Variants in BORCS6 observed in about 807,000 individuals in gnomAD.
The protein encoded by BORCS6 is BLOC-1 related complex subunit 6.
A neutral mutation model predicts 17.0 loss-of-function variants in BORCS6; 12 were observed. The ratio of observed to expected loss-of-function variants is 0.71; its 90% confidence interval spans 0.45 to 1.15. The LOEUF (loss-of-function observed/expected upper bound fraction) is 1.15, where lower values mean the gene tolerates loss of function less well. Ranked by LOEUF, BORCS6 falls within the 50% of genes most tolerant of loss-of-function variation. The pLI is 0.00. For synonymous variants in BORCS6, 262 were observed against 241.7 expected (o/e 1.08, Z -0.78); for missense variants, 513 against 515.0 (o/e 1.00, Z 0.04).
Position 8,189,644 on chromosome 17 carries a change from C to T in BORCS6, c.497G>A (p.Ser166Asn). Reference protein sequence around the residue: ...GRSFSSRLQDSRSLDGLSEAC... With the variant: ...GRSFSSRLQDNRSLDGLSEAC... ...CTCGCTCAGCCCGTCCAGGCTGCGG[C>T]TGTCCTGAAGACGGCTGGAGAACGA... Residue 166 changes from serine to asparagine, a missense_variant, in exon 1 of 1, where the codon AGC becomes AAC. Coordinates refer to ENST00000389017, the MANE Select transcript of BORCS6 (RefSeq NM_017622.3). The surrounding 1 kb of genome is among the most constrained non-coding windows in gnomAD (Gnocchi z 7.8). The T allele has an allele frequency of 6.3e-7, 1 of 1,599,056 alleles. No individual in the cohort carries two copies. Among genetic ancestry groups the T allele is most frequent in the Non-Finnish European group, 8.5e-7 (1 of 1,179,266 alleles).
Position 8,190,180 on chromosome 17 carries a change from C to G in BORCS6, c.-40G>C, listed in dbSNP as rs756897380. The G allele has an allele frequency of 7.2e-6, 11 of 1,524,592 alleles. No individual in the cohort carries two copies. In the South Asian group the frequency reaches 1.2e-4, roughly 17 times the overall value. 94.4% of individuals were successfully genotyped at this position (1,524,592 alleles called of 1,614,324 possible). A position where few individuals can be genotyped will look rare whatever the true frequency, so the allele number is the denominator to read the frequency against. Reference sequence around the variant, plus strand: ...CCGCAACGGAGGAATTGGTTCGCCCCGGCTCCGGAGGCAGTGGCTGCGCCT... The same window carrying G: ...CCGCAACGGAGGAATTGGTTCGCCCGGGCTCCGGAGGCAGTGGCTGCGCCT... On this transcript the variant is annotated 5_prime_UTR_variant, in exon 1 of 1. Coordinates refer to ENST00000389017, the MANE Select transcript of BORCS6 (RefSeq NM_017622.3).
rs539982320 is a variant in BORCS6 at position 8,188,690 on chromosome 17, G to A, written c.*377C>T. 2 of 286,984 alleles carry A rather than the reference G, an allele frequency of 7.0e-6. No individual in the cohort carries two copies. Among genetic ancestry groups the A allele is most frequent in the Non-Finnish European group, 6.7e-6 (1 of 148,790 alleles). 17.8% of individuals were successfully genotyped at this position (286,984 alleles called of 1,614,324 possible). ...TGGAGTCAGGATAGCCACAGTGGGG[G>A]CTGGGGCTTCCTCTGTCCCTTTCTC... On this transcript the variant is annotated 3_prime_UTR_variant, in exon 1 of 1. Transcript: ENST00000389017.
In BORCS6 at chr17:8,189,839, T is replaced by A. The variant is rs1399844477; in HGVS notation, c.302A>T (p.Glu101Val). Residue 101 changes from glutamate (E) to valine (V), a missense_variant, in exon 1 of 1, where the codon GAG (glutamate) becomes GTG (valine). Transcript: ENST00000389017. This position sits in a 1 kb window ranked among gnomAD's most constrained non-coding sequence, Gnocchi z 7.8. ...AGSRRGAPGAEHEPSLSSRHK... is the reference protein window; with the variant it reads ...AGSRRGAPGAVHEPSLSSRHK... ...CCGGGAGGACAGGGAAGGTTCGTGC[T>A]CTGCACCCGGCGCCCCCCTGCGGCT... The A allele has an allele frequency of 5.8e-6, 9 of 1,561,192 alleles. No homozygotes were observed. In the Admixed American group the frequency reaches 7.6e-5, roughly 13 times the overall value.
rs767230907 is a variant in BORCS6 at position 8,189,756 on chromosome 17, C to A, written c.385G>T (p.Gly129Trp). ...KPSSGRDCRR[G>W]GPGGGMDVEQ... ...ACATCCATCCCGCCGCCTGGTCCCCCTCGACGGCAGTCCCTCCCGGAGGAG... is the reference window on the plus strand; with the variant it reads ...ACATCCATCCCGCCGCCTGGTCCCCATCGACGGCAGTCCCTCCCGGAGGAG... Residue 129 changes from glycine to tryptophan, a missense_variant, in exon 1 of 1, where the codon GGG (glycine) becomes TGG (tryptophan). Coordinates refer to ENST00000389017, the MANE Select transcript of BORCS6 (RefSeq NM_017622.3). The surrounding 1 kb of genome is among the most constrained non-coding windows in gnomAD (Gnocchi z 7.8). 6.2e-7 allele frequency: 1 copy of A among 1,600,028 alleles called. No individual in the cohort carries two copies. Among genetic ancestry groups the A allele is most frequent in the Non-Finnish European group, 8.5e-7 (1 of 1,179,544 alleles).
At position 8,189,315 on chromosome 17, in the gene BORCS6, C is replaced by T. The variant is rs1470909913; in HGVS notation, c.826G>A (p.Asp276Asn). Residue 276 changes from aspartate (D) to asparagine (N), a missense_variant, in exon 1 of 1, where the codon GAC (aspartate) becomes AAC (asparagine). Physicochemically the swap from Asp to Asn is conservative, Grantham distance 23 (BLOSUM62 1). Transcript: ENST00000389017. This position sits in a 1 kb window ranked among gnomAD's most constrained non-coding sequence, Gnocchi z 7.8. ...CCACCCAGACCGCGAAGCAGACGGT[C>T]CACCCGGCCTCCCAGCTCCCGACTC... ...RLSRELGGRVDRLLRGLGGAV... is the reference protein window; with the variant it reads ...RLSRELGGRVNRLLRGLGGAV... The T allele has an allele frequency of 3.1e-6, 5 of 1,613,442 alleles. No individual in the cohort carries two copies. The highest frequency in any genetic ancestry group is 4.2e-6 in the Non-Finnish European group (5 of 1,179,852).
chr17:8,189,913 C>T lies in BORCS6; in HGVS notation c.228G>A (p.Glu76=). 2 of 1,548,588 alleles carry T rather than the reference C, an allele frequency of 1.3e-6. No individual in the cohort carries two copies. The highest frequency in any genetic ancestry group is 1.2e-5 in the South Asian group (1 of 84,066). The stretch of plus-strand genomic sequence containing the variant: ...GAGGGCCGGGCTCGTTCTCCAGAGC[C>T]TCCCGTTCCGGCCGGTGGACGACGC... ...SCGVVHRPER[E]ALENEPGPQG... is the part of the protein sequence containing the mutation. The change falls in exon 1 of 1, where the codon GAG becomes GAA. Residue 76 remains glutamate (E), a synonymous_variant. Coordinates refer to ENST00000389017, the MANE Select transcript of BORCS6 (RefSeq NM_017622.3). The surrounding 1 kb of genome is among the most constrained non-coding windows in gnomAD (Gnocchi z 7.8).
chr17:8,190,029 C>A lies in BORCS6; in HGVS notation c.112G>T (p.Ala38Ser). 6.5e-7 allele frequency: 1 copy of A among 1,550,094 alleles called. No homozygotes were observed. Among genetic ancestry groups the A allele is most frequent in the African/African-American group, 1.4e-5 (1 of 73,168 alleles). ...GPGRTSSEPP[A>S]GLRVSGEEET... is the part of the protein sequence containing the mutation. ...TCCTCCCCGGACACCCGGAGGCCTG[C>A]GGGCGGCTCAGAGGACGTTCGGCCC... The change falls in exon 1 of 1, where the codon GCA (alanine) becomes TCA (serine). Residue 38 changes from alanine to serine, a missense_variant. Physicochemically the swap from Ala to Ser is moderately conservative, Grantham distance 99 (BLOSUM62 1). Transcript: ENST00000389017.
At position 8,190,006 on chromosome 17, in the gene BORCS6, C is replaced by T; in HGVS notation, c.135G>A (p.Glu45=). 6.5e-7 allele frequency: 1 copy of T among 1,550,086 alleles called. No individual in the cohort carries two copies. The highest frequency in any genetic ancestry group is 8.7e-7 in the Non-Finnish European group (1 of 1,146,842). The change falls in exon 1 of 1, where the codon GAG becomes GAA. Residue 45 remains glutamate, a synonymous_variant. Transcript: ENST00000389017. ...EPPAGLRVSG[E]EETENVGGAN... The stretch of plus-strand genomic sequence containing the variant: ...CGCCCCCAACGTTCTCGGTCTCTTC[C>T]TCCCCGGACACCCGGAGGCCTGCGG...
At position 8,189,859 on chromosome 17, in the gene BORCS6, G is replaced by T; in HGVS notation, c.282C>A (p.Arg94=). The change falls in exon 1 of 1, where the codon CGC becomes CGA. Residue 94 remains arginine, a synonymous_variant. Transcript: ENST00000389017. The surrounding 1 kb of genome is among the most constrained non-coding windows in gnomAD (Gnocchi z 7.8). The part of the protein sequence containing the change: ...PQGTLSGAGS[R]RGAPGAEHEP... ...CGTGCTCTGCACCCGGCGCCCCCCT[G>T]CGGCTCCCGGCCCCAGACAGCGTCC... The T allele has an allele frequency of 6.5e-7, 1 of 1,548,372 alleles. No individual in the cohort carries two copies. Among genetic ancestry groups the T allele is most frequent in the Non-Finnish European group, 8.7e-7 (1 of 1,147,750 alleles).
chr17:8,189,123 G>A lies in BORCS6; in HGVS notation c.1018C>T (p.Arg340Cys). ...RALQPVQGLARQVRDIRRTLE... is the reference protein window; with the variant it reads ...RALQPVQGLACQVRDIRRTLE... ...GTACGTCGGATATCCCGGACTTGGC[G>A]CGCCAGCCCCTGAACCGGCTGCAGA... Residue 340 changes from arginine (R) to cysteine (C), a missense_variant, in exon 1 of 1, where the codon CGC (arginine) becomes TGC (cysteine). Physicochemically the swap from Arg to Cys is radical, Grantham distance 180. Coordinates refer to ENST00000389017, the MANE Select transcript of BORCS6 (RefSeq NM_017622.3). The surrounding 1 kb of genome is among the most constrained non-coding windows in gnomAD (Gnocchi z 7.8). 6.2e-7 allele frequency: 1 copy of A among 1,614,084 alleles called. No homozygotes were observed. The highest frequency in any genetic ancestry group is 8.5e-7 in the Non-Finnish European group (1 of 1,180,030).
At position 8,189,065 on chromosome 17, in the gene BORCS6, G is replaced by A; in HGVS notation, c.*2C>T. The A allele has an allele frequency of 6.2e-7, 1 of 1,614,020 alleles. No individual in the cohort carries two copies. ...CAGGACCGGCCTCTCCTGTCCTCCTGGTCACTTGCACAGGGCCTCCAACAC... is the reference window on the plus strand; with the variant it reads ...CAGGACCGGCCTCTCCTGTCCTCCTAGTCACTTGCACAGGGCCTCCAACAC... On this transcript the variant is annotated 3_prime_UTR_variant, in exon 1 of 1. Coordinates refer to ENST00000389017, the MANE Select transcript of BORCS6 (RefSeq NM_017622.3). This position sits in a 1 kb window ranked among gnomAD's most constrained non-coding sequence, Gnocchi z 7.8.
Position 8,189,335 on chromosome 17 carries a change from C to T in BORCS6, c.806G>A (p.Arg269Gln). The change falls in exon 1 of 1, where the codon CGG (arginine) becomes CAG (glutamine). Residue 269 changes from arginine to glutamine, a missense_variant. By Grantham distance (43) the Arg-to-Gln change is conservative (BLOSUM62 1). Transcript: ENST00000389017. The surrounding 1 kb of genome is among the most constrained non-coding windows in gnomAD (Gnocchi z 7.8). ...EVLRDLERLS[R>Q]ELGGRVDRLL... ...ACGGTCCACCCGGCCTCCCAGCTCC[C>T]GACTCAACCGCTCCAGATCCCGCAG... is the stretch of plus-strand genomic sequence containing the variant. The T allele has an allele frequency of 6.2e-7, 1 of 1,612,558 alleles. No individual in the cohort carries two copies. The highest frequency in any genetic ancestry group is 8.5e-7 in the Non-Finnish European group (1 of 1,179,464).
rs1984601677 is a variant in BORCS6, at chr17:8,189,911, G to A, written c.230C>T (p.Ala77Val). 1 of 1,548,296 alleles carries A rather than the reference G, an allele frequency of 6.5e-7. No homozygotes were observed. The highest frequency in any genetic ancestry group is 2.0e-5 in the Admixed American group (1 of 50,968). ...CGVVHRPERE[A>V]LENEPGPQGT... Reference sequence around the variant, plus strand: ...TTGAGGGCCGGGCTCGTTCTCCAGAGCCTCCCGTTCCGGCCGGTGGACGAC... The same window carrying A: ...TTGAGGGCCGGGCTCGTTCTCCAGAACCTCCCGTTCCGGCCGGTGGACGAC... The change falls in exon 1 of 1, where the codon GCT becomes GTT. Residue 77 changes from alanine (A) to valine (V), a missense_variant. Coordinates refer to ENST00000389017, the MANE Select transcript of BORCS6 (RefSeq NM_017622.3). The surrounding 1 kb of genome is among the most constrained non-coding windows in gnomAD (Gnocchi z 7.8).
rs1393097354 is a variant in BORCS6, at chr17:8,188,855, C to T, written c.*212G>A. 2 of 664,160 alleles carry T rather than the reference C, an allele frequency of 3.0e-6. No homozygotes were observed. Among genetic ancestry groups the T allele is most frequent in the African/African-American group, 3.6e-5 (2 of 54,898 alleles). 41.1% of individuals were successfully genotyped at this position (664,160 alleles called of 1,614,324 possible). A position where few individuals can be genotyped will look rare whatever the true frequency, so the allele number is the denominator to read the frequency against. ...GGCCAACTGAATACAAGCAGAGCAA[C>T]ATCCCTTCCCACCAGGAGAGCCGTT... is the stretch of plus-strand genomic sequence containing the variant. On this transcript the variant is annotated 3_prime_UTR_variant, in exon 1 of 1. Transcript: ENST00000389017.
rs138192071 is a variant in BORCS6 at position 8,189,253 on chromosome 17, G to A, written c.888C>T (p.Cys296=). 16 of 1,613,870 alleles carry A rather than the reference G, an allele frequency of 9.9e-6. No homozygotes were observed. In the African/African-American group the frequency reaches 1.1e-4, roughly 11 times the overall value. ...VQELTALSVG[C]IQTYRDAVDS... ...CCACAGCATCGCGGTAGGTCTGGAT[G>A]CAACCCACGCTCAGCGCCGTCAGCT... The change falls in exon 1 of 1, where the codon TGC becomes TGT. Residue 296 remains cysteine, a synonymous_variant. Coordinates refer to ENST00000389017, the MANE Select transcript of BORCS6 (RefSeq NM_017622.3). This position sits in a 1 kb window ranked among gnomAD's most constrained non-coding sequence, Gnocchi z 7.8.
Position 8,189,717 on chromosome 17 carries a change from C to T in BORCS6, c.424G>A (p.Glu142Lys), listed in dbSNP as rs1010332391. The change falls in exon 1 of 1, where the codon GAG becomes AAG. Residue 142 changes from glutamate (E) to lysine (K), a missense_variant. Transcript: ENST00000389017. The surrounding 1 kb of genome is among the most constrained non-coding windows in gnomAD (Gnocchi z 7.8). ...GGGMDVEQQE[E>K]EDNDEEAAAG... ...GCCGCCTCCTCGTCGTTGTCTTCCT[C>T]CTCCTGCTGCTCAACATCCATCCCG... 6.3e-7 allele frequency: 1 copy of T among 1,599,266 alleles called. No individual in the cohort carries two copies.
chr17:8,189,159 G>C lies in BORCS6; in HGVS notation c.982C>G (p.Leu328Val). Residue 328 changes from leucine to valine, a missense_variant, in exon 1 of 1, where the codon CTG (leucine) becomes GTG (valine). Transcript: ENST00000389017. The surrounding 1 kb of genome is among the most constrained non-coding windows in gnomAD (Gnocchi z 7.8). ...TGAACCGGCTGCAGAGCCCGCTCCA[G>C]CTCCTCGCAGCGCGCCAGCAGGGTG... ...MYTLLARCEE[L>V]ERALQPVQGL... 2.5e-6 allele frequency: 4 copies of C among 1,614,100 alleles called. No individual in the cohort carries two copies. Among genetic ancestry groups the C allele is most frequent in the Middle Eastern group, 1.6e-4 (1 of 6,062 alleles).
chr17:8,189,368 G>A lies in BORCS6; in HGVS notation c.773C>T (p.Pro258Leu), dbSNP rs777352204. 6.2e-7 allele frequency: 1 copy of A among 1,606,756 alleles called. No individual in the cohort carries two copies. Among genetic ancestry groups the A allele is most frequent in the East Asian group, 2.3e-5 (1 of 44,440 alleles). Residue 258 changes from proline to leucine, a missense_variant, in exon 1 of 1, where the codon CCC (proline) becomes CTC (leucine). Pro to Leu is a moderately conservative substitution (Grantham distance 98). Transcript: ENST00000389017. This position sits in a 1 kb window ranked among gnomAD's most constrained non-coding sequence, Gnocchi z 7.8. ...CCGCTCCAGATCCCGCAGCACCTCG[G>A]GGTCGATTGGGGGAATGGCCGGTGT... ...TPTPAIPPID[P>L]EVLRDLERLS... is the part of the protein sequence containing the mutation.
chr17:8,189,648 C>T lies in BORCS6; in HGVS notation c.493G>A (p.Asp165Asn), dbSNP rs1169346272. The change falls in exon 1 of 1, where the codon GAC becomes AAC. Residue 165 changes from aspartate to asparagine, a missense_variant. Coordinates refer to ENST00000389017, the MANE Select transcript of BORCS6 (RefSeq NM_017622.3). The surrounding 1 kb of genome is among the most constrained non-coding windows in gnomAD (Gnocchi z 7.8). ...CTCAGCCCGTCCAGGCTGCGGCTGT[C>T]CTGAAGACGGCTGGAGAACGAGCGG... is the stretch of plus-strand genomic sequence containing the variant. ...AGRSFSSRLQ[D>N]SRSLDGLSEA... 9.4e-6 allele frequency: 15 copies of T among 1,599,090 alleles called. No individual in the cohort carries two copies. The highest frequency in any genetic ancestry group is 1.3e-5 in the Non-Finnish European group (15 of 1,179,414).
Sources: allele counts gnomAD v4.1 joint callset, GRCh38; gene constraint gnomAD v4.1.1; non-coding constraint Gnocchi (gnomAD v3.1); transcripts MANE v1.5; gene names NCBI Gene and HGNC (gene_info 2026-07-23, HGNC 2026-07-21).